The following LPP variants were observed in gnomAD, a reference collection of about 807,000 sequenced individuals.
The protein encoded by LPP is lipoma-preferred partner.
In LPP, 38 loss-of-function variants were observed where a neutral mutation model predicts 60.4. The ratio of observed to expected loss-of-function variants is 0.63; its 90% CI spans 0.49 to 0.83. The LOEUF is 0.83. LPP is among the 40% of genes least tolerant of loss of function. The pLI is 0.00. For missense variants in LPP, 902 were observed against 783.6 expected (o/e 1.15, Z -1.80); for synonymous variants, 328 against 290.8 (o/e 1.13, Z -1.30).
At position 188,880,330 on chromosome 3, in the gene LPP, G is replaced by A. The variant is rs1208894467; in HGVS notation, c.*5851G>A. The A allele has an allele frequency of 2.2e-5, 4 of 178,332 alleles. No individual in the cohort carries two copies. Among genetic ancestry groups the A allele is most frequent in the African/African-American group, 7.1e-5 (3 of 42,256 alleles). The allele number at this position is 178,332 out of a possible 1,614,324, so 11.0% of individuals were successfully genotyped here. On this transcript the variant is annotated 3_prime_UTR_variant, in exon 12 of 12. Transcript: ENST00000617246. ...ACAGGCGTGAGCCACCGTGCCCCGC[G>A]TGTTTTTTTCTTTAGCTGATTGACA...
At chr3:188,654,660 A>C (rs1334743636) in intron 7 of LPP, among the ~76,000 whole-genome samples, 4 of 152,208 alleles carry the variant, frequency 2.6e-5, no homozygotes, top group Admixed American at 2.6e-4. Context: ...CACTGCACTC[A>C]GCAAAATGTT....
chr3:188,467,043 G>T (rs1365261), intron 4 of LPP, among the ~76,000 whole-genome samples: 92,593 of 149,508 alleles, frequency 0.62, 29,267 homozygotes, highest in African/African-American at 0.76. Context: ...GCTCTGGTGT[G>T]TATAATTCTG....
chr3:188,219,718 G>A (rs1180520793), intron 1 of LPP, among the ~76,000 whole-genome samples: 1 of 152,132 alleles, frequency 6.6e-6, no homozygotes, highest in Non-Finnish European at 1.5e-5. Flanking sequence ...TCCACTGTGG[G>A]TCCATGTGGG....
At position 188,482,102 on chromosome 3, in the gene LPP, A is replaced by G. The variant is rs543042620; in HGVS notation, c.194-2490A>G. Among the ~76,000 whole-genome samples, 59 of 152,160 alleles carry G rather than the reference A, an allele frequency of 3.9e-4. 1 individual carries two copies. Among genetic ancestry groups the G allele is most frequent in the Middle Eastern group, 3.4e-3 (1 of 292 alleles). ...AAACTTATATGGCAGTTCCCCCTTC[A>G]TGCTCTCTCTTTCCTGCCACTATGT... On this transcript the variant is annotated intron_variant, in intron 4 of 11. Coordinates refer to ENST00000617246, the MANE Select transcript of LPP (RefSeq NM_001375462.1).
intron 5 of LPP, among the ~76,000 whole-genome samples, chr3:188,511,871 G>A (rs944564790): frequency 6.6e-6 from 1 of 152,152 alleles, no homozygotes; most frequent in Non-Finnish European, 1.5e-5. Flanking sequence ...TATGTCCCAG[G>A]CTGTGTGCAG....
In LPP at chr3:188,608,232, T is replaced by C. The variant is rs926912290; in HGVS notation, c.430-929T>C. ...GTTTAAGTTCAGATAACATGTTACATTGTTTATGTCACTATTCTTCATGAC... is the reference window on the plus strand; with the variant it reads ...GTTTAAGTTCAGATAACATGTTACACTGTTTATGTCACTATTCTTCATGAC... On this transcript the variant is annotated intron_variant, in intron 6 of 11. Transcript: ENST00000617246. 3.3e-5 allele frequency among the ~76,000 whole-genome samples: 5 copies of C among 152,222 alleles called. No individual in the cohort carries two copies. In the South Asian group the frequency reaches 8.3e-4, roughly 25 times the overall value.
intron 6 of LPP, among the ~76,000 whole-genome samples, chr3:188,533,842 A>G (rs1350873631): frequency 6.6e-6 from 1 of 152,170 alleles, no homozygotes. Context: ...CATGACTTTT[A>G]TGACAGGCAA....
At chr3:188,198,019 C>T (rs1034619433) in intron 1 of LPP, among the ~76,000 whole-genome samples, 1 of 152,160 alleles carries the variant, frequency 6.6e-6, no homozygotes, top group Non-Finnish European at 1.5e-5. Context: ...TTTGTAAAAC[C>T]TCATTCGTAT....
intron 9 of LPP, among the ~76,000 whole-genome samples, chr3:188,855,487 G>C (rs1763624803): frequency 6.6e-6 from 1 of 152,186 alleles, no homozygotes; most frequent in Non-Finnish European, 1.5e-5. Flanking sequence ...CTCTGGAGAG[G>C]GGGCTGCTGA....
intron 7 of LPP, among the ~76,000 whole-genome samples, chr3:188,620,401 A>C (rs1845597518): frequency 6.6e-6 from 1 of 152,144 alleles, no homozygotes; most frequent in Non-Finnish European, 1.5e-5. Flanking sequence ...AATTTTGGAC[A>C]TTTGGAATAA....
intron 6 of LPP, among the ~76,000 whole-genome samples, chr3:188,550,583 A>AAAAAAAAAAAG: frequency 6.6e-6 from 1 of 151,362 alleles, no homozygotes; most frequent in African/African-American, 2.4e-5. Flanking sequence ...ATCTCAAAAA[A>AAAAAAAAAAAG]AAAAAAAAAA....
Position 188,217,529 on chromosome 3 carries a change from A to C in LPP, c.-189-7876A>C, listed in dbSNP as rs1714111501. Among the ~76,000 whole-genome samples, 1 of 152,132 alleles carries C rather than the reference A, an allele frequency of 6.6e-6. No homozygotes were observed. The highest frequency in any genetic ancestry group is 1.5e-5 in the Non-Finnish European group (1 of 68,026). On this transcript the variant is annotated intron_variant, in intron 1 of 11. Transcript: ENST00000617246. This position sits in a 1 kb window ranked among gnomAD's most constrained non-coding sequence, Gnocchi z 4.0. ...TAAAAGGGAGTCAAGGGTAGAAGCAAGAAGGTTAGGCTAGACTTTTACCGT... is the reference window on the plus strand; with the variant it reads ...TAAAAGGGAGTCAAGGGTAGAAGCACGAAGGTTAGGCTAGACTTTTACCGT...
intron 9 of LPP, among the ~76,000 whole-genome samples, chr3:188,849,026 T>C (rs1762144466): frequency 6.6e-6 from 1 of 151,954 alleles, no homozygotes; most frequent in Non-Finnish European, 1.5e-5. Flanking sequence ...TTAAACATTG[T>C]TTAATTAAAT....
chr3:188,428,592 A>AT (rs1239973969), intron 4 of LPP, among the ~76,000 whole-genome samples: 44 of 63,966 alleles, frequency 6.9e-4, no homozygotes, highest in East Asian at 3.9e-3. Context: ...ATATATATAT[A>AT]TATATTTTTT....
At chr3:188,563,460 A>ATATGTGTG (rs373067080) in intron 6 of LPP, among the ~76,000 whole-genome samples, 6 of 141,938 alleles carry the variant, frequency 4.2e-5, no homozygotes, top group Admixed American at 7.1e-5. Flanking sequence ...TTACATATAT[A>ATATGTGTG]TGTGTGTGTG....
intron 7 of LPP, among the ~76,000 whole-genome samples, chr3:188,640,550 GA>G (rs59702077): frequency 0.049 from 6,657 of 137,012 alleles, 257 homozygotes; most frequent in African/African-American, 0.11. Flanking sequence ...AGTTTGGGAC[GA>G]AAAAAAAAAA....
chr3:188,648,540 A>G (rs1024723278), intron 7 of LPP, among the ~76,000 whole-genome samples: 1 of 152,012 alleles, frequency 6.6e-6, no homozygotes, highest in East Asian at 1.9e-4. Flanking sequence ...CCCAGATATC[A>G]TCTCTGGCCC....
intron 2 of LPP, chr3:188,240,300 A>C (rs531998937): frequency 6.0e-6 from 1 of 167,002 alleles, no homozygotes; most frequent in African/African-American, 2.4e-5. Flanking sequence ...AGCTTGCCTA[A>C]CAAGGTTGTT....
At chr3:188,723,196 T>C (rs192269285) in intron 8 of LPP, among the ~76,000 whole-genome samples, 1 of 152,306 alleles carries the variant, frequency 6.6e-6, no homozygotes, top group East Asian at 1.9e-4. Context: ...TCATCTGAGA[T>C]GTGAGGAAGA....
Sources: allele counts gnomAD v4.1 joint callset (sites outside exome capture counted in the v4.1 genomes callset), GRCh38; gene constraint gnomAD v4.1.1; non-coding constraint Gnocchi (gnomAD v3.1); transcripts MANE v1.5; gene names NCBI Gene and HGNC (gene_info 2026-07-23, HGNC 2026-07-21).